Variants in TBC1D30 observed in about 807,000 individuals in gnomAD.
TBC1D30 encodes TBC1 domain family, member 30.
TBC1D30 carries 31 observed loss-of-function variants against 63.2 expected under a neutral mutation model. That is an observed-to-expected ratio of 0.49 (90% CI 0.37 to 0.66). TBC1D30 has a LOEUF of 0.66. TBC1D30 is among the 30% of genes least tolerant of loss of function. The probability of loss-of-function intolerance (pLI) is 0.00; values close to 1 mark genes in which losing one functional copy is unlikely to be tolerated. For missense variants in TBC1D30, 810 were observed against 953.6 expected (o/e 0.85, Z 1.98); for synonymous variants, 307 against 361.5 (o/e 0.85, Z 1.71).
rs200543786 is a variant in TBC1D30, at chr12:64,864,166, G to A, written c.1039-502G>A. ...AATTTTCACCTAGAACTCATCCACAGACATTTAAAAAGGTGGTATCTTTGG... is the reference window on the plus strand; with the variant it reads ...AATTTTCACCTAGAACTCATCCACAAACATTTAAAAAGGTGGTATCTTTGG... On this transcript the variant is annotated intron_variant, in intron 8 of 11. Transcript: ENST00000539867. Among the ~76,000 whole-genome samples the A allele has an allele frequency of 2.6e-5, 4 of 151,378 alleles. No homozygotes were observed. In the East Asian group the frequency reaches 7.8e-4, roughly 29 times the overall value.
At chr12:64,779,920 A>G (rs199705263), upstream of TBC1D30, among the ~76,000 whole-genome samples, 6 of 152,340 alleles carry the variant, frequency 3.9e-5, no homozygotes, top group African/African-American at 9.6e-5. Context: ...CATGTTGCCA[A>G]TTATTAACTT....
exon 1 of TBC1D30, chr12:64,781,286 G>T (rs913990391): frequency 2.7e-6 from 3 of 1,130,662 alleles, no homozygotes; most frequent in Non-Finnish European, 3.3e-6. Flanking sequence ...GCGGCAGAAA[G>T]GTGAGGGCCG....
chr12:64,794,422 T>C (rs192662599), intron 2 of TBC1D30, among the ~76,000 whole-genome samples: 2 of 152,298 alleles, frequency 1.3e-5, no homozygotes, highest in Non-Finnish European at 2.9e-5. Context: ...TTGGAACTTA[T>C]AGACAAGTTC....
rs901252612 is a variant in TBC1D30 at position 64,781,033 on chromosome 12, A to T, written c.225A>T (p.Thr75=). 1.5e-5 allele frequency: 15 copies of T among 1,026,706 alleles called. No homozygotes were observed. In the African/African-American group the frequency reaches 2.6e-4, roughly 18 times the overall value. The allele number at this position is 1,026,706 out of a possible 1,614,324, so 63.6% of individuals were successfully genotyped here. A position where few individuals can be genotyped will look rare whatever the true frequency, so the allele number is the denominator to read the frequency against. ...CCGGCGAGGCGTGCGGCGGCCGCAC[A>T]AGCCGCACGGCGTCCCTGGTGAGCG... The change falls in exon 1 of 13, where the codon ACA becomes ACT. Residue 75 remains threonine (T), a synonymous_variant. Coordinates refer to the TBC1D30 transcript ENST00000542120.
rs370951913 is a variant in TBC1D30, at chr12:64,831,126, A to C, written c.408+624A>C. 2.2e-4 allele frequency among the ~76,000 whole-genome samples: 34 copies of C among 152,296 alleles called. 1 individual carries two copies. Among genetic ancestry groups the C allele is most frequent in the African/African-American group, 7.9e-4 (33 of 41,556 alleles). On this transcript the variant is annotated intron_variant, in intron 4 of 11. Coordinates refer to ENST00000539867, the MANE Select transcript of TBC1D30 (RefSeq NM_015279.2). Reference sequence around the variant, plus strand: ...TTTTATATGAGTACATTACAGTGTGATACTCAGCTGGGGTTTTAAAAGGAA... The same window carrying C: ...TTTTATATGAGTACATTACAGTGTGCTACTCAGCTGGGGTTTTAAAAGGAA...
At chr12:64,771,595 G>A (rs1227832357) in intron 1 of TBC1D30, among the ~76,000 whole-genome samples, 3 of 152,158 alleles carry the variant, frequency 2.0e-5, no homozygotes, top group African/African-American at 7.2e-5. Flanking sequence ...TTCTCTCTCA[G>A]CTCACGTCCA....
chr12:64,824,785 ACACT>A lies in TBC1D30; in HGVS notation c.-91_-88del, dbSNP rs1874148555. On this transcript the variant is annotated 5_prime_UTR_variant, in exon 1 of 12. Transcript: ENST00000539867. Reference sequence around the variant, plus strand: ...GCTCCCACGGGCCGGTCAGCCGCAGACACTCACCCAGCTCCGCGAGCTCAGCCGC... The same window carrying A: ...GCTCCCACGGGCCGGTCAGCCGCAGACACCCAGCTCCGCGAGCTCAGCCGC... 5.5e-6 allele frequency: 8 copies of A among 1,444,176 alleles called. No homozygotes were observed. The highest frequency in any genetic ancestry group is 7.3e-6 in the Non-Finnish European group (8 of 1,091,794). 89.5% of individuals were successfully genotyped at this position (1,444,176 alleles called of 1,614,324 possible).
intron 2 of TBC1D30, among the ~76,000 whole-genome samples, chr12:64,786,943 CA>C (rs940814602): frequency 2.4e-4 from 34 of 144,182 alleles, no homozygotes; most frequent in African/African-American, 5.1e-4. Flanking sequence ...AACTCCATCT[CA>C]AAAAAAAAAT....
chr12:64,772,490 C>T (rs956407276), intron 1 of TBC1D30, among the ~76,000 whole-genome samples: 6 of 151,856 alleles, frequency 4.0e-5, no homozygotes, highest in South Asian at 2.1e-4. Flanking sequence ...AGTGCAGTGG[C>T]GCAATCTCGG....
chr12:64,769,191 G>A (rs1384503126), intron 1 of TBC1D30, among the ~76,000 whole-genome samples: 3 of 151,704 alleles, frequency 2.0e-5, no homozygotes, highest in Non-Finnish European at 4.4e-5. Context: ...AGTACATGTA[G>A]AACTGATGAT....
chr12:64,817,928 T>C (rs2136339962), intron 2 of TBC1D30, among the ~76,000 whole-genome samples: 1 of 152,186 alleles, frequency 6.6e-6, no homozygotes, highest in South Asian at 2.1e-4. Context: ...CCGGGCATGG[T>C]GGCATGCACC....
Position 64,870,607 on chromosome 12 carries a change from A to G in TBC1D30, c.1297A>G (p.Asn433Asp), listed in dbSNP as rs2290527. ...GTCTCATCCTTCGAGCGCAGAGCCA[A>G]ATGAGGAGCAGAGTCTGAGATCTAA... is the stretch of plus-strand genomic sequence containing the variant. ...QKYQKQIKEP[N>D]EEQSLRSNNI... The change falls in exon 11 of 12, where the codon AAT (asparagine) becomes GAT (aspartate). Residue 433 changes from asparagine to aspartate, a missense_variant. Asn to Asp is a conservative substitution (Grantham distance 23). Transcript: ENST00000539867. The G allele has an allele frequency of 2.4e-4, 376 of 1,536,154 alleles. 4 individuals carry two copies. The East Asian group carries it at 7.0e-3, about 29-fold the overall frequency.
At chr12:64,861,302 A>G (rs1278907140) in intron 8 of TBC1D30, among the ~76,000 whole-genome samples, 1 of 152,268 alleles carries the variant, frequency 6.6e-6, no homozygotes, top group African/African-American at 2.4e-5. Flanking sequence ...TAGTTCAGAT[A>G]GTAAATAGAC....
At chr12:64,871,049 C>T (rs1878619487) in intron 11 of TBC1D30, among the ~76,000 whole-genome samples, 1 of 152,150 alleles carries the variant, frequency 6.6e-6, no homozygotes, top group South Asian at 2.1e-4. Flanking sequence ...TGGTATTAAA[C>T]ACGTCTCTAC....
intron 1 of TBC1D30, among the ~76,000 whole-genome samples, chr12:64,773,747 A>G (rs995762285): frequency 6.6e-6 from 1 of 152,238 alleles, no homozygotes; most frequent in Non-Finnish European, 1.5e-5. Flanking sequence ...CCCTACAGAA[A>G]AGTGATCAAG....
intron 2 of TBC1D30, among the ~76,000 whole-genome samples, chr12:64,795,545 C>A (rs1872201319): frequency 6.6e-6 from 1 of 152,196 alleles, no homozygotes; most frequent in East Asian, 1.9e-4. Flanking sequence ...TCCTGGGGAA[C>A]TGGTTGCCAA....
chr12:64,821,771 C>G (rs2136346275), upstream of TBC1D30, among the ~76,000 whole-genome samples: 1 of 152,228 alleles, frequency 6.6e-6, no homozygotes, highest in East Asian at 1.9e-4. Context: ...AAACATGTAC[C>G]AAAACTGTAA....
At chr12:64,780,695 G>A in exon 1 of TBC1D30, 1 of 955,036 alleles carries the variant, frequency 1.0e-6, no homozygotes. Context: ...GCCCGCTGGC[G>A]CCGCGCCCGG....
intron 11 of TBC1D30, among the ~76,000 whole-genome samples, chr12:64,871,430 A>G (rs1878648899): frequency 6.6e-6 from 1 of 152,144 alleles, no homozygotes; most frequent in African/African-American, 2.4e-5. Flanking sequence ...CTGATTTGGG[A>G]GTTGTTTTTT....
Sources: allele counts gnomAD v4.1 joint callset (sites outside exome capture counted in the v4.1 genomes callset), GRCh38; gene constraint gnomAD v4.1.1; transcripts MANE v1.5; gene names NCBI Gene and HGNC (gene_info 2026-07-23, HGNC 2026-07-21).